The following SGCZ variants were observed in gnomAD, a reference collection of about 807,000 sequenced individuals.
SGCZ encodes the protein zeta-sarcoglycan.
A neutral mutation model predicts 41.3 loss-of-function variants in SGCZ; 40 were observed. The observed-to-expected ratio is 0.97, with a 90% CI of 0.75 to 1.26. The LOEUF is 1.26. SGCZ is among the 50% of genes most tolerant of loss of function. SGCZ has a pLI of 0.00. For synonymous variants in SGCZ, 206 were observed against 137.5 expected, an observed-to-expected ratio of 1.50 and a Z score of -3.49; for missense variants, 552 against 369.8, an observed-to-expected ratio of 1.49 and a Z score of -4.04.
chr8:14,824,951 T>A (rs1472677290), intron 1 of SGCZ, among the ~76,000 whole-genome samples: 2 of 152,140 alleles, frequency 1.3e-5, no homozygotes, highest in Non-Finnish European at 2.9e-5. Flanking sequence ...CCTCAGACTC[T>A]GGTAGACATA....
At chr8:15,152,648 C>G (rs1210709439) in intron 1 of SGCZ, among the ~76,000 whole-genome samples, 3 of 152,164 alleles carry the variant, frequency 2.0e-5, no homozygotes, top group Non-Finnish European at 4.4e-5. Flanking sequence ...AAATCACACT[C>G]CTTTGAGATA....
intron 1 of SGCZ, among the ~76,000 whole-genome samples, chr8:15,131,268 A>G (rs1342304697): frequency 6.6e-6 from 1 of 152,180 alleles, no homozygotes; most frequent in South Asian, 2.1e-4. Flanking sequence ...GGTTTCTCCC[A>G]TACTGTTCTC....
At chr8:14,153,138 G>C (rs1448434295) in intron 5 of SGCZ, among the ~76,000 whole-genome samples, 2 of 152,160 alleles carry the variant, frequency 1.3e-5, no homozygotes, top group Admixed American at 1.3e-4. Flanking sequence ...TGGTATTACA[G>C]TTTTATAAGA....
intron 1 of SGCZ, among the ~76,000 whole-genome samples, chr8:14,602,812 TC>T (rs1213373259): frequency 6.6e-6 from 1 of 152,144 alleles, no homozygotes; most frequent in African/African-American, 2.4e-5. Flanking sequence ...ATATATGGCA[TC>T]TTCTAATCAC....
intron 1 of SGCZ, among the ~76,000 whole-genome samples, chr8:15,207,370 C>T (rs995001164): frequency 1.2e-4 from 19 of 152,076 alleles, no homozygotes; most frequent in Non-Finnish European, 4.4e-5. Context: ...AATTAGAAGG[C>T]TAGACTGGAA....
intron 1 of SGCZ, among the ~76,000 whole-genome samples, chr8:14,712,941 G>A (rs775711611): frequency 6.6e-6 from 1 of 151,940 alleles, no homozygotes; most frequent in Non-Finnish European, 1.5e-5. Context: ...CTGAGCAGTA[G>A]GGCCAAGACA....
chr8:14,377,296 T>C (rs570051965), intron 2 of SGCZ, among the ~76,000 whole-genome samples: 175 of 152,180 alleles, frequency 1.1e-3, no homozygotes, highest in African/African-American at 4.2e-3. Context: ...GGTGAACACA[T>C]GGAGGTTTGG....
At chr8:14,624,679 T>C (rs1457530679) in intron 1 of SGCZ, among the ~76,000 whole-genome samples, 3 of 148,288 alleles carry the variant, frequency 2.0e-5, no homozygotes, top group Admixed American at 1.4e-4. Context: ...CAAGTAATTC[T>C]CCTACCTCAG....
intron 3 of SGCZ, among the ~76,000 whole-genome samples, chr8:14,261,462 C>A (rs908414922): frequency 6.6e-6 from 1 of 152,070 alleles, no homozygotes. Flanking sequence ...ATATATATCA[C>A]CAATATTGTT....
intron 2 of SGCZ, among the ~76,000 whole-genome samples, chr8:14,450,260 A>G (rs1215804099): frequency 1.3e-5 from 2 of 152,210 alleles, no homozygotes; most frequent in African/African-American, 4.8e-5. Context: ...TCATTTCACA[A>G]CCAAGCATCG....
At chr8:14,658,222 C>A (rs1009437507) in intron 1 of SGCZ, among the ~76,000 whole-genome samples, 16 of 152,162 alleles carry the variant, frequency 1.1e-4, no homozygotes, top group Admixed American at 2.0e-4. Context: ...TTATACCTCA[C>A]ACACAATTCA....
At chr8:14,996,233 C>G (rs145335628) in intron 1 of SGCZ, among the ~76,000 whole-genome samples, 1 of 152,044 alleles carries the variant, frequency 6.6e-6, no homozygotes, top group African/African-American at 2.4e-5. Flanking sequence ...ATGGTCATTA[C>G]TGAGAAATAC....
intron 3 of SGCZ, among the ~76,000 whole-genome samples, chr8:14,267,201 C>A (rs568607336): frequency 6.6e-6 from 1 of 151,912 alleles, no homozygotes; most frequent in South Asian, 2.1e-4. Flanking sequence ...ATATCCTTGA[C>A]AATATGCATA....
chr8:15,032,662 G>A (rs888924853), intron 1 of SGCZ, among the ~76,000 whole-genome samples: 3 of 152,090 alleles, frequency 2.0e-5, no homozygotes, highest in Non-Finnish European at 4.4e-5. Context: ...CTTGGGCTTA[G>A]GACCTACCCC....
At chr8:14,413,158 C>T (rs1012482006) in intron 2 of SGCZ, among the ~76,000 whole-genome samples, 1 of 151,778 alleles carries the variant, frequency 6.6e-6, no homozygotes, top group Non-Finnish European at 1.5e-5. Flanking sequence ...CATAAGGTAG[C>T]GTGAGATAGT....
chr8:15,123,290 T>C (rs1807556984), intron 1 of SGCZ, among the ~76,000 whole-genome samples: 1 of 152,220 alleles, frequency 6.6e-6, no homozygotes, highest in Non-Finnish European at 1.5e-5. Flanking sequence ...AAGGCTGATG[T>C]ATTTTATAAA....
chr8:15,012,608 T>TATAAATATATATTTATATA (rs1563436091), intron 1 of SGCZ, among the ~76,000 whole-genome samples: 1 of 91,984 alleles, frequency 1.1e-5, no homozygotes, highest in Non-Finnish European at 2.1e-5. Context: ...ATTTATATAA[T>TATAAATATATATTTATATA]ACATATATGT....
chr8:15,135,664 G>A (rs895317469), intron 1 of SGCZ, among the ~76,000 whole-genome samples: 1 of 152,168 alleles, frequency 6.6e-6, no homozygotes, highest in Non-Finnish European at 1.5e-5. Context: ...AGGTAAGTAA[G>A]CAAGTCAAAC....
intron 1 of SGCZ, among the ~76,000 whole-genome samples, chr8:14,607,073 A>G: frequency 6.6e-6 from 1 of 152,278 alleles, no homozygotes; most frequent in South Asian, 2.1e-4. Flanking sequence ...ACAATGGCTC[A>G]TCTATTCATT....
Sources: gnomAD v4.1 joint callset for allele counts (sites outside exome capture counted in the v4.1 genomes callset) on GRCh38, gnomAD v4.1.1 for gene constraint, MANE v1.5 for transcripts, NCBI Gene and HGNC (gene_info 2026-07-23, HGNC 2026-07-21) for gene names.